The following GALNT7 variants were observed in gnomAD, a reference collection of about 807,000 sequenced individuals.
GALNT7 encodes the protein N-acetylgalactosaminyltransferase 7.
In GALNT7, 60 loss-of-function variants were observed where a neutral mutation model predicts 82.1. The observed-to-expected ratio is 0.73, with a 90% CI of 0.59 to 0.91. The LOEUF is 0.91. Among genes scored for constraint, GALNT7 ranks in the 40% least tolerant of loss-of-function variants. The pLI, the probability that GALNT7 is intolerant of heterozygous loss-of-function variation, is 0.00. For synonymous variants in GALNT7, 243 were observed against 275.1 expected, an observed-to-expected ratio of 0.88 and a Z score of 1.15; for missense variants, 660 against 804.2, an observed-to-expected ratio of 0.82 and a Z score of 2.17.
Position 173,261,217 on chromosome 4 carries a change from C to T in GALNT7, c.587+12777C>T, listed in dbSNP as rs556347957. On this transcript the variant is annotated intron_variant, in intron 2 of 11. Coordinates refer to ENST00000265000, the MANE Select transcript of GALNT7 (RefSeq NM_017423.3). Reference sequence around the variant, plus strand: ...AGATGGGCACCCTCCCTGGCCAGGACGCCATCCTATCACAGGTGTACTCAG... The same window carrying T: ...AGATGGGCACCCTCCCTGGCCAGGATGCCATCCTATCACAGGTGTACTCAG... Among the ~76,000 whole-genome samples, 10 of 152,208 alleles carry T rather than the reference C, an allele frequency of 6.6e-5. No individual in the cohort carries two copies. In the South Asian group the frequency reaches 1.2e-3, roughly 19 times the overall value.
intron 1 of GALNT7, among the ~76,000 whole-genome samples, chr4:173,215,910 A>C (rs1299823514): frequency 6.6e-6 from 1 of 152,076 alleles, no homozygotes; most frequent in Non-Finnish European, 1.5e-5. Flanking sequence ...GGAGTTCGAG[A>C]CCAGCCTGGG....
Position 173,295,487 on chromosome 4 carries a change from A to G in GALNT7, c.846A>G (p.Gln282=). The G allele has an allele frequency of 6.2e-7, 1 of 1,613,378 alleles. No individual in the cohort carries two copies. The highest frequency in any genetic ancestry group is 8.5e-7 in the Non-Finnish European group (1 of 1,179,356). The change falls in exon 4 of 12, where the codon CAA becomes CAG. Residue 282 remains glutamine, a synonymous_variant. Coordinates refer to ENST00000265000, the MANE Select transcript of GALNT7 (RefSeq NM_017423.3). Reference sequence around the variant, plus strand: ...ATGAAAGAAGGGAAGGTTTAATTCAAGCACGAAGTATTGGTGCTCAGAAGG... The same window carrying G: ...ATGAAAGAAGGGAAGGTTTAATTCAGGCACGAAGTATTGGTGCTCAGAAGG... The part of the protein sequence containing the change: ...FRNERREGLI[Q]ARSIGAQKAK...
intron 11 of GALNT7, among the ~76,000 whole-genome samples, chr4:173,318,981 G>A (rs1353142408): frequency 2.0e-5 from 3 of 152,062 alleles, no homozygotes; most frequent in Admixed American, 2.0e-4. Context: ...AGCAGGTGGA[G>A]ATAGAGACAA....
intron 1 of GALNT7, among the ~76,000 whole-genome samples, chr4:173,177,988 C>T (rs1461835512): frequency 1.3e-5 from 2 of 149,872 alleles, no homozygotes; most frequent in African/African-American, 5.0e-5. Flanking sequence ...TGCCTTTCCA[C>T]CTCTCCCTAT....
At chr4:173,289,867 T>A (rs1016845478) in intron 2 of GALNT7, among the ~76,000 whole-genome samples, 1 of 152,228 alleles carries the variant, frequency 6.6e-6, no homozygotes, top group African/African-American at 2.4e-5. Context: ...GGCAGACCAT[T>A]TCTGCAGTCT....
intron 8 of GALNT7, among the ~76,000 whole-genome samples, chr4:173,311,021 C>T (rs1429772563): frequency 2.6e-5 from 4 of 152,192 alleles, no homozygotes; most frequent in Non-Finnish European, 5.9e-5. Flanking sequence ...ATATCCTCAT[C>T]TTAAAATGAA....
At chr4:173,275,195 G>A (rs918676678) in intron 2 of GALNT7, among the ~76,000 whole-genome samples, 1 of 152,204 alleles carries the variant, frequency 6.6e-6, no homozygotes, top group African/African-American at 2.4e-5. Context: ...AACTGTATTC[G>A]AACGTTTCTG....
intron 1 of GALNT7, among the ~76,000 whole-genome samples, chr4:173,225,383 G>C (rs909487737): frequency 3.3e-5 from 5 of 152,182 alleles, no homozygotes; most frequent in African/African-American, 1.2e-4. Flanking sequence ...CAGGAAGATG[G>C]TATAGGGAGC....
chr4:173,304,201 C>T (rs1677565192), intron 8 of GALNT7, 83 bp downstream of exon 8: 1 of 1,167,694 alleles, frequency 8.6e-7, no homozygotes, highest in Non-Finnish European at 1.2e-6. Flanking sequence ...CAATTGTCAG[C>T]TTATTGAGTG....
chr4:173,217,237 G>C (rs1490822366), intron 1 of GALNT7, among the ~76,000 whole-genome samples: 1 of 152,100 alleles, frequency 6.6e-6, no homozygotes, highest in Non-Finnish European at 1.5e-5. Context: ...ATATAGATTA[G>C]TTTTGTTAGC....
At chr4:173,216,706 C>CAT (rs202210734) in intron 1 of GALNT7, among the ~76,000 whole-genome samples, 807 of 56,906 alleles carry the variant, frequency 0.014, 149 homozygotes, top group Admixed American at 0.062. Flanking sequence ...GTGTACTATT[C>CAT]ATATATATAT....
At chr4:173,232,602 T>A (rs1200452856) in intron 1 of GALNT7, among the ~76,000 whole-genome samples, 1 of 151,902 alleles carries the variant, frequency 6.6e-6, no homozygotes, top group Non-Finnish European at 1.5e-5. Flanking sequence ...CCTGCTGATT[T>A]AAAAAAAATT....
At chr4:173,195,152 G>A (rs1452390579) in intron 1 of GALNT7, among the ~76,000 whole-genome samples, 1 of 152,006 alleles carries the variant, frequency 6.6e-6, no homozygotes, top group Non-Finnish European at 1.5e-5. Context: ...TGAGTGTTTT[G>A]CTCCTGATGA....
At chr4:173,210,053 G>A (rs913135467) in intron 1 of GALNT7, among the ~76,000 whole-genome samples, 1 of 151,742 alleles carries the variant, frequency 6.6e-6, no homozygotes, top group East Asian at 1.9e-4. Flanking sequence ...GAAATCGCTT[G>A]AACCCGGGAG....
intron 1 of GALNT7, among the ~76,000 whole-genome samples, chr4:173,224,806 A>T (rs560565133): frequency 6.6e-6 from 1 of 151,744 alleles, no homozygotes; most frequent in Admixed American, 6.6e-5. Flanking sequence ...AGGTCAGGAG[A>T]TCCAGACCAT....
intron 1 of GALNT7, among the ~76,000 whole-genome samples, chr4:173,182,216 T>C (rs1251956047): frequency 6.6e-6 from 1 of 152,248 alleles, no homozygotes; most frequent in Non-Finnish European, 1.5e-5. Context: ...TGATTTATGA[T>C]TCTGCATTTA....
chr4:173,255,523 T>C (rs978908475), intron 2 of GALNT7, among the ~76,000 whole-genome samples: 1 of 152,062 alleles, frequency 6.6e-6, no homozygotes, highest in African/African-American at 2.4e-5. Context: ...TCCTGGAGAC[T>C]AGTTTGAAAA....
chr4:173,170,098 C>T lies in GALNT7; in HGVS notation c.126+1137C>T, dbSNP rs546289606. Among the ~76,000 whole-genome samples, 7 of 152,194 alleles carry T rather than the reference C, an allele frequency of 4.6e-5. No homozygotes were observed. In the South Asian group the frequency reaches 1.5e-3, roughly 32 times the overall value. On this transcript the variant is annotated intron_variant, in intron 1 of 11. Transcript: ENST00000265000. ...GCTTCCCTGACCCGGCAGCGGGCGG[C>T]GCGCACCGGCCTCGCCCCCGACCCT... is the stretch of plus-strand genomic sequence containing the variant.
At chr4:173,229,831 G>C (rs972602767) in intron 1 of GALNT7, among the ~76,000 whole-genome samples, 2 of 152,000 alleles carry the variant, frequency 1.3e-5, no homozygotes, top group Admixed American at 1.3e-4. Flanking sequence ...TACTTTCTCT[G>C]ATAAATTGAT....
Sources: gnomAD v4.1 joint callset for allele counts (sites outside exome capture counted in the v4.1 genomes callset) on GRCh38, gnomAD v4.1.1 for gene constraint, MANE v1.5 for transcripts, NCBI Gene and HGNC (gene_info 2026-07-23, HGNC 2026-07-21) for gene names.